RGS6: variants seen among roughly 807,000 people sequenced by gnomAD.
RGS6 encodes the protein regulator of G-protein signaling 6.
RGS6 carries 30 observed loss-of-function variants against 78.5 expected under a neutral mutation model. The observed-to-expected ratio is 0.38, with a 90% CI of 0.29 to 0.52. The LOEUF (loss-of-function observed/expected upper bound fraction) is 0.52, where lower values mean the gene tolerates loss of function less well. RGS6 is among the 20% of genes least tolerant of loss of function. RGS6 has a pLI of 0.85. For missense variants in RGS6, 495 were observed against 609.7 expected, an observed-to-expected ratio of 0.81 and a Z score of 1.98; for synonymous variants, 206 against 206.0, an observed-to-expected ratio of 1.00 and a Z score of 0.00.
At position 72,048,830 on chromosome 14, in the gene RGS6, T is replaced by A. The variant is rs186836566; in HGVS notation, c.84+83955T>A. Among the ~76,000 whole-genome samples, 1,397 of 152,256 alleles carry A rather than the reference T, an allele frequency of 9.2e-3. 15 individuals are homozygous for A. The highest frequency in any genetic ancestry group is 0.03 in the African/African-American group (1,229 of 41,540). On this transcript the variant is annotated intron_variant, in intron 2 of 17. Transcript: ENST00000553525. ...TACATAGCCATTGCAGTAATTTTTT[T>A]AAAAAATAGAGAGGAGCTTAAAAAT...
At chr14:72,383,035 G>A (rs1244914127) in intron 3 of RGS6, among the ~76,000 whole-genome samples, 1 of 150,832 alleles carries the variant, frequency 6.6e-6, no homozygotes, top group Non-Finnish European at 1.5e-5. Flanking sequence ...TTTTTACTGG[G>A]TGGTGGGTAC....
chr14:72,410,203 C>T (rs1404763232), intron 3 of RGS6, among the ~76,000 whole-genome samples: 3 of 152,224 alleles, frequency 2.0e-5, no homozygotes. Context: ...GTTCCTATTT[C>T]TCCACATCCT....
intron 2 of RGS6, among the ~76,000 whole-genome samples, chr14:72,313,738 G>A (rs2069272908): frequency 6.6e-6 from 1 of 152,226 alleles, no homozygotes; most frequent in South Asian, 2.1e-4. Flanking sequence ...GGGCTATGGT[G>A]TATGTGTGGC....
chr14:72,072,404 G>T (rs1230548455), intron 2 of RGS6, among the ~76,000 whole-genome samples: 1 of 152,038 alleles, frequency 6.6e-6, no homozygotes, highest in Non-Finnish European at 1.5e-5. Context: ...TGCCTCTTGG[G>T]TTCAAGCAAT....
intron 16 of RGS6, 84 bp from the exon 17 acceptor site, chr14:72,539,957 C>T (rs746526435): frequency 2.5e-4 from 306 of 1,208,976 alleles, no homozygotes; most frequent in Non-Finnish European, 3.1e-4. Flanking sequence ...TTAGCTGCAG[C>T]TGCTGCTGTT....
chr14:72,097,070 T>A (rs149250912), intron 2 of RGS6, among the ~76,000 whole-genome samples: 1 of 152,228 alleles, frequency 6.6e-6, no homozygotes, highest in South Asian at 2.1e-4. Flanking sequence ...CATTGGAAAC[T>A]TGACAATAGT....
intron 3 of RGS6, among the ~76,000 whole-genome samples, chr14:72,413,730 T>C (rs1471526774): frequency 6.6e-6 from 1 of 152,224 alleles, no homozygotes; most frequent in African/African-American, 2.4e-5. Flanking sequence ...CCATGTTTAG[T>C]GCTTCCTTCA....
intron 2 of RGS6, among the ~76,000 whole-genome samples, chr14:72,325,784 G>A (rs928308236): frequency 2.6e-5 from 4 of 152,002 alleles, no homozygotes; most frequent in Non-Finnish European, 4.4e-5. Flanking sequence ...TTGAAAAAAT[G>A]CACAGTCTCA....
At chr14:72,022,627 T>C (rs2088917074) in intron 2 of RGS6, 5 of 152,236 alleles carry the variant, frequency 3.3e-5, no homozygotes, top group Admixed American at 3.3e-4. Context: ...TCCAATGGAA[T>C]CCACAGGCTC....
intron 2 of RGS6, among the ~76,000 whole-genome samples, chr14:72,012,215 T>G (rs908571622): frequency 2.6e-5 from 4 of 152,208 alleles, no homozygotes; most frequent in Non-Finnish European, 5.9e-5. Context: ...AAAAAAAATT[T>G]AGACAAGCAA....
intron 3 of RGS6, among the ~76,000 whole-genome samples, chr14:72,401,420 C>G (rs1481430953): frequency 1.3e-5 from 2 of 151,790 alleles, no homozygotes; most frequent in African/African-American, 4.8e-5. Flanking sequence ...TTGTGACACA[C>G]TCCGTCATTT....
chr14:71,867,791 T>C, the RGS6 span, among the ~76,000 whole-genome samples: 2 of 152,048 alleles, frequency 1.3e-5, no homozygotes, highest in Admixed American at 6.6e-5. Context: ...ATTCCAGGAT[T>C]ATGGGCCTTT....
At chr14:72,585,093 C>T in the RGS6 span, among the ~76,000 whole-genome samples, 285 of 152,250 alleles carry the variant, frequency 1.9e-3, 1 homozygote, top group African/African-American at 6.4e-3. Context: ...GGAATAAAGG[C>T]CAATTTAAGA....
At chr14:72,244,831 T>C (rs1037124820) in intron 2 of RGS6, among the ~76,000 whole-genome samples, 1 of 145,336 alleles carries the variant, frequency 6.9e-6, no homozygotes, top group Non-Finnish European at 1.5e-5. Flanking sequence ...AATTGGTCTT[T>C]TTTTTTTTTT....
intron 2 of RGS6, among the ~76,000 whole-genome samples, chr14:72,256,333 A>G (rs2057075183): frequency 6.6e-6 from 1 of 152,210 alleles, no homozygotes; most frequent in Non-Finnish European, 1.5e-5. Context: ...GGGTCCAGGT[A>G]GAGTCAGTCA....
At chr14:71,968,564 G>A (rs2093644035) in intron 2 of RGS6, among the ~76,000 whole-genome samples, 1 of 152,144 alleles carries the variant, frequency 6.6e-6, no homozygotes, top group Admixed American at 6.6e-5. Flanking sequence ...TAAAAGTATA[G>A]AGAGGGTGAG....
chr14:71,933,207 C>G (rs2088146278), intron 1 of RGS6: 1 of 152,142 alleles, frequency 6.6e-6, no homozygotes, highest in Non-Finnish European at 1.5e-5. Flanking sequence ...AAATCATGTT[C>G]CTGGGTTTCT....
At chr14:71,889,312 C>T in the RGS6 span, among the ~76,000 whole-genome samples, 52 of 151,744 alleles carry the variant, frequency 3.4e-4, 1 homozygote, top group African/African-American at 1.1e-3. Flanking sequence ...CAACAGCAAC[C>T]GAGGAAGAAG....
chr14:72,031,639 A>G (rs889396583), intron 2 of RGS6, among the ~76,000 whole-genome samples: 1 of 152,230 alleles, frequency 6.6e-6, no homozygotes, highest in Admixed American at 6.5e-5. Flanking sequence ...CAGTCACCAA[A>G]GCAGCATAGG....
Sources: allele counts gnomAD v4.1 joint callset (sites outside exome capture counted in the v4.1 genomes callset), GRCh38; gene constraint gnomAD v4.1.1; transcripts MANE v1.5; gene names NCBI Gene and HGNC (gene_info 2026-07-23, HGNC 2026-07-21).